The following CPAMD8 variants were observed in gnomAD, a reference collection of about 807,000 sequenced individuals.
CPAMD8 encodes the protein C3 and PZP-like alpha-2-macroglobulin domain-containing protein 8.
CPAMD8 carries 146 observed loss-of-function variants against 224.7 expected under a neutral mutation model. The observed-to-expected ratio is 0.65, with a 90% confidence interval of 0.57 to 0.75. The LOEUF (loss-of-function observed/expected upper bound fraction) is 0.75, where lower values mean the gene tolerates loss of function less well. Ranked by LOEUF, CPAMD8 falls within the 30% of genes least tolerant of loss-of-function variation. The pLI is 0.00. For missense variants in CPAMD8, 2,301 were observed against 2,537.5 expected, an observed-to-expected ratio of 0.91 and a Z score of 2.00; for synonymous variants, 966 against 1,044.6, an observed-to-expected ratio of 0.92 and a Z score of 1.45.
In CPAMD8 at chr19:16,947,245, G is replaced by A. The variant is rs2054135537; in HGVS notation, c.2509-18C>T. On this transcript the variant is annotated intron_variant, in intron 20 of 41. Transcript: ENST00000443236. ...ATGTACACCTGCAGAGGGTGGCATT[G>A]GCTCATGGCGCCTGGAATCCAGACC... is the stretch of plus-strand genomic sequence containing the variant. 1 of 1,598,500 alleles carries A rather than the reference G, an allele frequency of 6.3e-7. No homozygotes were observed. Among genetic ancestry groups the A allele is most frequent in the East Asian group, 2.2e-5 (1 of 44,448 alleles).
intron 13 of CPAMD8, among the ~76,000 whole-genome samples, chr19:16,989,028 A>ACCACCCCCAGACGGGACTGTCTAGT (rs1435214899): frequency 6.6e-5 from 10 of 152,108 alleles, no homozygotes; most frequent in Admixed American, 3.3e-4. Flanking sequence ...ACTGTCTCCC[A>ACCACCCCCAGACGGGACTGTCTAGT]CCACCCCCAG....
intron 23 of CPAMD8, among the ~76,000 whole-genome samples, chr19:16,936,266 G>A (rs1019056211): frequency 6.6e-6 from 1 of 152,030 alleles, no homozygotes; most frequent in Non-Finnish European, 1.5e-5. Flanking sequence ...GTGGTGTGTA[G>A]GGGTATGTCA....
intron 19 of CPAMD8, 81 bp downstream of exon 19, chr19:16,957,772 C>T: frequency 7.4e-7 from 1 of 1,344,474 alleles, no homozygotes; most frequent in Non-Finnish European, 1.1e-6. Context: ...GCCTGCCCAT[C>T]TCACCGGAGG....
chr19:17,007,905 C>A lies in CPAMD8; in HGVS notation c.559+600G>T, dbSNP rs745812535. ...GGAGCAGGCCGGGCGTGGTGGCTCA[C>A]GCCTGTAATCCCACCACTTTGGGAG... On this transcript the variant is annotated intron_variant, in intron 7 of 41. Coordinates refer to ENST00000443236, the MANE Select transcript of CPAMD8 (RefSeq NM_015692.5). Among the ~76,000 whole-genome samples the A allele has an allele frequency of 1.1e-4, 17 of 152,346 alleles. No homozygotes were observed. In the South Asian group the frequency reaches 1.4e-3, roughly 13 times the overall value.
At chr19:16,919,462 G>A (rs2053087408) in intron 27 of CPAMD8, among the ~76,000 whole-genome samples, 1 of 152,214 alleles carries the variant, frequency 6.6e-6, no homozygotes, top group Non-Finnish European at 1.5e-5. Flanking sequence ...AGCCCCAGTA[G>A]AGCCTTCAGA....
chr19:16,970,938 G>C lies in CPAMD8; in HGVS notation c.2166C>G (p.Pro722=). The C allele has an allele frequency of 6.2e-7, 1 of 1,613,952 alleles. No individual in the cohort carries two copies. The highest frequency in any genetic ancestry group is 8.5e-7 in the Non-Finnish European group (1 of 1,179,944). ...CCACTGCCACCAGGCTCCCTGTGTG[G>C]GGCTGGAAAGCGGGGACAGCCTCAT... ...YTDEAVPAFQ[P]HTGSLVAVAP... Residue 722 remains proline (P), a synonymous_variant, in exon 18 of 42, where the codon CCC becomes CCG. Transcript: ENST00000443236.
In CPAMD8 at chr19:17,012,341, TC is replaced by T. The variant is rs1194922846; in HGVS notation, c.268-585del. On this transcript the variant is annotated intron_variant, in intron 3 of 41. Transcript: ENST00000443236. ...GCCATATCTTTTTTCTTTCTTTCTT[TC>T]TTTCTTTCTTTTTTTTTTTTTTTCA... Among the ~76,000 whole-genome samples, 3 of 123,348 alleles carry T rather than the reference TC, an allele frequency of 2.4e-5. No individual in the cohort carries two copies. The South Asian group carries it at 8.0e-4, about 33-fold the overall frequency. 80.9% of individuals were successfully genotyped at this position (123,348 alleles called of 152,430 possible). A position where few individuals can be genotyped will look rare whatever the true frequency, so the allele number is the denominator to read the frequency against.
chr19:16,927,058 C>T (rs1238121905), intron 25 of CPAMD8, among the ~76,000 whole-genome samples: 1 of 152,096 alleles, frequency 6.6e-6, no homozygotes, highest in Non-Finnish European at 1.5e-5. Context: ...CTCTCACCAC[C>T]CTTCTGCCCA....
chr19:16,933,495 T>C (rs929874658), intron 23 of CPAMD8, among the ~76,000 whole-genome samples: 1 of 152,072 alleles, frequency 6.6e-6, no homozygotes. Context: ...ATAAAAAAAG[T>C]ACAACTCAAT....
intron 23 of CPAMD8, among the ~76,000 whole-genome samples, chr19:16,937,909 T>C (rs2053750906): frequency 6.6e-6 from 1 of 152,178 alleles, no homozygotes. Flanking sequence ...CGCCTCGGCC[T>C]CCCAGAGTGC....
Position 17,022,149 on chromosome 19 carries a change from C to T in CPAMD8, c.125G>A (p.Arg42His), listed in dbSNP as rs368347732. ...GCTGATGACTTCCTCCACGCCCGCG[C>T]GAAAAACAGAGGGAGCTGCAATCAA... ...GYLIAAPSVF[R>H]AGVEEVISVT... Residue 42 changes from arginine to histidine, a missense_variant, in exon 2 of 42, where the codon CGC becomes CAC. Arg to His is a conservative substitution (Grantham distance 29). Coordinates refer to ENST00000443236, the MANE Select transcript of CPAMD8 (RefSeq NM_015692.5). The T allele has an allele frequency of 4.8e-5, 78 of 1,610,066 alleles. No homozygotes were observed. The highest frequency in any genetic ancestry group is 1.3e-4 in the Admixed American group (8 of 59,702).
chr19:16,923,611 T>C (rs1210289036), intron 26 of CPAMD8, among the ~76,000 whole-genome samples: 1 of 152,186 alleles, frequency 6.6e-6, no homozygotes, highest in Non-Finnish European at 1.5e-5. Flanking sequence ...GATCTCCAGA[T>C]GAGAGCATCT....
chr19:16,914,761 C>A lies in CPAMD8; in HGVS notation c.3682G>T (p.Val1228Leu). Residue 1228 changes from valine (V) to leucine (L), a missense_variant, in exon 28 of 42, where the codon GTG (valine) becomes TTG (leucine). Transcript: ENST00000443236. ...GCGGCAGCCAGCTCCCGGGGGTCCA[C>A]GAAGATAAAGCTGCGAGCCTGTGCG... is the stretch of plus-strand genomic sequence containing the variant. ...SFAQARSFIF[V>L]DPRELAAAKS... 6.2e-7 allele frequency: 1 copy of A among 1,614,020 alleles called. No homozygotes were observed. Among genetic ancestry groups the A allele is most frequent in the Non-Finnish European group, 8.5e-7 (1 of 1,179,982 alleles).
At position 16,989,670 on chromosome 19, in the gene CPAMD8, C is replaced by G; in HGVS notation, c.1368G>C (p.Gln456His). Residue 456 changes from glutamine (Q) to histidine (H), a missense_variant, in exon 13 of 42, where the codon CAG (glutamine) becomes CAC (histidine). Gln to His is a conservative substitution (Grantham distance 24, BLOSUM62 0). This residue lies in a region of CPAMD8 where 301 missense variants were observed against 406.6 expected (regional missense o/e 0.74). Transcript: ENST00000443236. The stretch of plus-strand genomic sequence containing the variant: ...GCAGTGGGTGGGAGGGTGGCTGCAG[C>G]TGCAGGTAGCACTGGCTGGGGGAGT... ...SWYSPSQCYL[Q>H]LQPPSHPLQV... 1 of 1,614,002 alleles carries G rather than the reference C, an allele frequency of 6.2e-7. No individual in the cohort carries two copies.
intron 27 of CPAMD8, among the ~76,000 whole-genome samples, chr19:16,919,429 G>T (rs2053085886): frequency 1.3e-5 from 2 of 152,164 alleles, no homozygotes; most frequent in South Asian, 4.1e-4. Context: ...ATGTGAGGGA[G>T]CCAATTTGGA....
intron 34 of CPAMD8, 147 bp from the exon 35 acceptor site, chr19:16,903,010 T>C (rs1024842159): frequency 2.2e-5 from 13 of 581,880 alleles, no homozygotes; most frequent in Middle Eastern, 4.1e-4. Context: ...ACTACCGTTA[T>C]TCGTTTTAGC....
At position 16,921,885 on chromosome 19, in the gene CPAMD8, C is replaced by A; in HGVS notation, c.3629+20G>T. ...GGGCGGGGAGCCTCAGAGGCAATGC[C>A]CAGGGCGGTGGGGACTCACCACATG... On this transcript the variant is annotated intron_variant, in intron 27 of 41. Coordinates refer to ENST00000443236, the MANE Select transcript of CPAMD8 (RefSeq NM_015692.5). The A allele has an allele frequency of 6.6e-7, 1 of 1,522,786 alleles. No individual in the cohort carries two copies. 94.3% of individuals were successfully genotyped at this position (1,522,786 alleles called of 1,614,324 possible). A position where few individuals can be genotyped will look rare whatever the true frequency, so the allele number is the denominator to read the frequency against.
intron 23 of CPAMD8, among the ~76,000 whole-genome samples, chr19:16,935,055 T>A (rs1225105187): frequency 6.6e-6 from 1 of 152,216 alleles, no homozygotes. Context: ...GTGCCTCATA[T>A]AAGTGGAATC....
Position 16,977,431 on chromosome 19 carries a change from C to T in CPAMD8, c.1695G>A (p.Arg565=), listed in dbSNP as rs1352322462. Residue 565 remains arginine (R), a synonymous_variant, in exon 15 of 42, where the codon AGG becomes AGA. Coordinates refer to ENST00000443236, the MANE Select transcript of CPAMD8 (RefSeq NM_015692.5). ...TGTCGGCGACCCCTTCTCCATTCTC[C>T]CTGACGTAGAAGACCAGCAGGCGAC... is the stretch of plus-strand genomic sequence containing the variant. The part of the protein sequence containing the change: ...PLGRLLVFYV[R]ENGEGVADSL... The T allele has an allele frequency of 6.2e-6, 10 of 1,612,548 alleles. No homozygotes were observed. The highest frequency in any genetic ancestry group is 1.3e-5 in the African/African-American group (1 of 74,854).
Sources: allele counts gnomAD v4.1 joint callset (sites outside exome capture counted in the v4.1 genomes callset), GRCh38; gene constraint gnomAD v4.1.1; regional missense constraint gnomAD v4.1.1; transcripts MANE v1.5; gene names NCBI Gene and HGNC (gene_info 2026-07-23, HGNC 2026-07-21).